DOCK4: variants seen among roughly 807,000 people sequenced by gnomAD.
The protein encoded by DOCK4 is dedicator of cytokinesis 4.
A neutral mutation model predicts 268.1 loss-of-function variants in DOCK4; 97 were observed. The ratio of observed to expected loss-of-function variants is 0.36; its 90% CI spans 0.31 to 0.43. DOCK4 has a LOEUF of 0.43. Among genes scored for constraint, DOCK4 ranks in the 20% least tolerant of loss-of-function variants. The pLI is 1.00. For missense variants in DOCK4, 2,145 were observed against 2,455.7 expected, an observed-to-expected ratio of 0.87 and a Z score of 2.67; for synonymous variants, 954 against 887.2, an observed-to-expected ratio of 1.08 and a Z score of -1.34.
chr7:111,887,032 T>C (rs1302137589), intron 16 of DOCK4, among the ~76,000 whole-genome samples: 2 of 152,154 alleles, frequency 1.3e-5, no homozygotes, highest in African/African-American at 4.8e-5. Context: ...AGCCTTGGGA[T>C]TACCCCCAAA....
Position 111,731,096 on chromosome 7 carries a change from T to C in DOCK4, c.5481+1130A>G, listed in dbSNP as rs551300156. Among the ~76,000 whole-genome samples the C allele has an allele frequency of 1.2e-4, 18 of 152,302 alleles. 1 individual carries two copies. The South Asian group carries it at 3.7e-3, about 32-fold the overall frequency. ...TCACATCGAGGTGACAGGCTATGAC[T>C]TCCAGAGTGAATGCTGTCACAGGTA... On this transcript the variant is annotated intron_variant, in intron 52 of 52. Coordinates refer to ENST00000428084, the MANE Select transcript of DOCK4 (RefSeq NM_001363540.2).
chr7:112,173,073 T>C (rs1818219099), intron 1 of DOCK4, among the ~76,000 whole-genome samples: 1 of 152,320 alleles, frequency 6.6e-6, no homozygotes, highest in South Asian at 2.1e-4. Context: ...CAAAGACATC[T>C]GGCATGTCAA....
intron 16 of DOCK4, among the ~76,000 whole-genome samples, chr7:111,890,145 A>T (rs1808173482): frequency 6.6e-6 from 1 of 152,314 alleles, no homozygotes; most frequent in East Asian, 1.9e-4. Context: ...GGATTCTCTC[A>T]TCAATCTCCT....
At chr7:111,992,717 A>G (rs1298196122) in intron 5 of DOCK4, among the ~76,000 whole-genome samples, 2 of 152,236 alleles carry the variant, frequency 1.3e-5, no homozygotes, top group Non-Finnish European at 2.9e-5. Flanking sequence ...GTAGCTATAT[A>G]AAAGGAAAAG....
chr7:111,889,662 G>A (rs547045339), intron 16 of DOCK4, among the ~76,000 whole-genome samples: 8 of 152,264 alleles, frequency 5.3e-5, no homozygotes, highest in African/African-American at 1.7e-4. Flanking sequence ...AAAACTTGTA[G>A]AGAAAAATGT....
At chr7:111,960,464 T>C (rs1796785139) in intron 8 of DOCK4, among the ~76,000 whole-genome samples, 1 of 149,218 alleles carries the variant, frequency 6.7e-6, no homozygotes, top group Non-Finnish European at 1.5e-5. Flanking sequence ...GTATACATTG[T>C]GGAATGGATA....
chr7:111,863,376 G>A lies in DOCK4; in HGVS notation c.2469C>T (p.Asn823=). Residue 823 remains asparagine, a synonymous_variant, in exon 23 of 53, where the codon AAC becomes AAT. Transcript: ENST00000428084. ...CCTCCAAGAGACTCACCCTACCTGG[G>A]TTGGTATAAAGCTGGCTTTCCACGG... The part of the protein sequence containing the change: ...GKTVESQLYT[N]PDSRYILLPV... The A allele has an allele frequency of 6.2e-7, 1 of 1,613,996 alleles. No individual in the cohort carries two copies. Among genetic ancestry groups the A allele is most frequent in the African/African-American group, 1.3e-5 (1 of 75,036 alleles).
chr7:112,050,688 TAGCTTCC>T (rs1358308464), intron 1 of DOCK4, among the ~76,000 whole-genome samples: 5 of 152,080 alleles, frequency 3.3e-5, no homozygotes, highest in African/African-American at 4.8e-5. Flanking sequence ...GAGAAAGCTC[TAGCTTCC>T]AGCTTCCAGC....
At chr7:111,811,313 A>G (rs1266869109) in intron 28 of DOCK4, among the ~76,000 whole-genome samples, 1 of 152,092 alleles carries the variant, frequency 6.6e-6, no homozygotes, top group East Asian at 1.9e-4. Flanking sequence ...ACAAAGAACC[A>G]CCATTGAGGA....
chr7:112,175,221 A>G (rs1818408778), intron 1 of DOCK4, among the ~76,000 whole-genome samples: 1 of 152,152 alleles, frequency 6.6e-6, no homozygotes, highest in South Asian at 2.1e-4. Context: ...TGAAGTTTAA[A>G]CAGTGAAAAA....
intron 52 of DOCK4, 82 bp downstream of exon 52, chr7:111,732,144 C>T: frequency 7.1e-7 from 1 of 1,398,772 alleles, no homozygotes; most frequent in Non-Finnish European, 9.9e-7. Context: ...AATTAAAGCA[C>T]CTTTTGATAT....
At position 111,728,410 on chromosome 7, in the gene DOCK4, A is replaced by C; in HGVS notation, c.5792T>G (p.Ile1931Ser). The C allele has an allele frequency of 6.4e-7, 1 of 1,572,694 alleles. No individual in the cohort carries two copies. Among genetic ancestry groups the C allele is most frequent in the Non-Finnish European group, 8.6e-7 (1 of 1,157,626 alleles). The change falls in exon 53 of 53, where the codon ATC (isoleucine) becomes AGC (serine). Residue 1931 changes from isoleucine (I) to serine (S), a missense_variant. By Grantham distance (142) the Ile-to-Ser change is moderately radical. Around this residue, in one of 2 missense-constraint regions of DOCK4, gnomAD observed 547 missense variants for 469.0 expected, o/e 1.17. Transcript: ENST00000428084. ...RPVPLPHSLS[I>S]PVTSEPPALP... Reference sequence around the variant, plus strand: ...CGCGGGCGGCTCCGACGTGACGGGGATGGAGAGGCTGTGAGGTAGCGGGAC... The same window carrying C: ...CGCGGGCGGCTCCGACGTGACGGGGCTGGAGAGGCTGTGAGGTAGCGGGAC...
intron 7 of DOCK4, among the ~76,000 whole-genome samples, chr7:111,980,733 C>G (rs1246498451): frequency 6.6e-6 from 1 of 152,186 alleles, no homozygotes; most frequent in Non-Finnish European, 1.5e-5. Flanking sequence ...TGTCTCCAGA[C>G]AATGCCAAAT....
intron 13 of DOCK4, among the ~76,000 whole-genome samples, chr7:111,913,408 A>ATTT (rs560484859): frequency 1.5e-5 from 2 of 132,580 alleles, no homozygotes; most frequent in Non-Finnish European, 3.3e-5. Flanking sequence ...CATCTTTACA[A>ATTT]TTTTTTTTTT....
At chr7:112,015,028 G>A (rs990841944) in intron 1 of DOCK4, among the ~76,000 whole-genome samples, 1 of 152,166 alleles carries the variant, frequency 6.6e-6, no homozygotes, top group Non-Finnish European at 1.5e-5. Context: ...CTACTGGGTG[G>A]CATTCCCAGG....
chr7:111,736,814 G>A, intron 50 of DOCK4, 103 bp downstream of exon 50: 2 of 991,354 alleles, frequency 2.0e-6, no homozygotes, highest in South Asian at 2.8e-5. Flanking sequence ...GATCATTAAA[G>A]AGCTAGAGCA....
At chr7:111,915,204 G>A (rs1792484533) in intron 13 of DOCK4, among the ~76,000 whole-genome samples, 1 of 152,168 alleles carries the variant, frequency 6.6e-6, no homozygotes, top group African/African-American at 2.4e-5. Flanking sequence ...TGGCATTCAT[G>A]TCACACTGTA....
intron 16 of DOCK4, among the ~76,000 whole-genome samples, chr7:111,886,157 T>C (rs150307556): frequency 1.8e-4 from 27 of 152,324 alleles, no homozygotes; most frequent in African/African-American, 5.8e-4. Flanking sequence ...TTAAGGGGTC[T>C]GTAACTTGTG....
At chr7:111,900,630 T>A (rs1586311709) in intron 14 of DOCK4, 94 bp from the exon 15 acceptor site, 1 of 1,309,700 alleles carries the variant, frequency 7.6e-7, no homozygotes, top group Non-Finnish European at 1.0e-6. Context: ...TGCCTGCCTC[T>A]CAAATAGCAC....
Sources: gnomAD v4.1 joint callset for allele counts (sites outside exome capture counted in the v4.1 genomes callset) on GRCh38, gnomAD v4.1.1 for gene constraint, gnomAD v4.1.1 regional missense constraint, MANE v1.5 for transcripts, NCBI Gene and HGNC (gene_info 2026-07-23, HGNC 2026-07-21) for gene names.